The following GRHPR variants were observed in gnomAD, a reference collection of about 807,000 sequenced individuals.
The protein encoded by GRHPR is glyoxylate and hydroxypyruvate reductase, also known as glyoxylate reductase/hydroxypyruvate reductase.
In GRHPR, 35 loss-of-function variants were observed where a neutral mutation model predicts 36.8. The ratio of observed to expected loss-of-function variants is 0.95; its 90% CI spans 0.73 to 1.26. The LOEUF is 1.26. GRHPR is among the 50% of genes most tolerant of loss of function. The pLI is 0.00. For synonymous variants in GRHPR, 179 were observed against 181.0 expected, an observed-to-expected ratio of 0.99 and a Z score of 0.09; for missense variants, 380 against 435.0, an observed-to-expected ratio of 0.87 and a Z score of 1.12.
At chr9:37,422,634 T>C, upstream of GRHPR, 1 of 829,804 alleles carries the variant, frequency 1.2e-6, no homozygotes, top group Middle Eastern at 3.4e-4. Flanking sequence ...CCACACCCCC[T>C]GCGCACGCCG....
chr9:37,436,206 C>CCAAA (rs1222422154), intron 8 of GRHPR, among the ~76,000 whole-genome samples: 8 of 152,258 alleles, frequency 5.3e-5, no homozygotes, highest in African/African-American at 1.9e-4. Context: ...CCTCCCAGGC[C>CCAAA]CAAACAATCC....
chr9:37,426,946 G>A (rs777919883), intron 4 of GRHPR, among the ~76,000 whole-genome samples: 16 of 112,532 alleles, frequency 1.4e-4, no homozygotes, highest in South Asian at 3.2e-4. Flanking sequence ...GTGAGACTCT[G>A]TCTCAAAAAA....
chr9:37,427,180 G>A (rs1269371167), intron 4 of GRHPR, among the ~76,000 whole-genome samples: 2 of 152,204 alleles, frequency 1.3e-5, no homozygotes, highest in Non-Finnish European at 2.9e-5. Context: ...GCTGGTGGGT[G>A]AGGGCTGGCA....
intron 7 of GRHPR, chr9:37,431,678 G>A (rs1305380860): frequency 5.9e-6 from 2 of 340,774 alleles, no homozygotes; most frequent in African/African-American, 4.3e-5. Flanking sequence ...TCATGCAGTA[G>A]AGCATGTAAG....
chr9:37,433,526 C>T (rs1823481522), intron 8 of GRHPR, among the ~76,000 whole-genome samples: 1 of 152,002 alleles, frequency 6.6e-6, no homozygotes, highest in South Asian at 2.1e-4. Context: ...GAGTGTCCGG[C>T]CAATTCTCAT....
At chr9:37,427,738 T>TGA (rs1021595067) in intron 4 of GRHPR, 1 of 151,024 alleles carries the variant, frequency 6.6e-6, no homozygotes. Context: ...CTCGGGAGGC[T>TGA]GAGGTGGGAG....
chr9:37,438,010 T>A (rs1823751849), downstream of GRHPR: 1 of 152,162 alleles, frequency 6.6e-6, no homozygotes, highest in Non-Finnish European at 1.5e-5. Flanking sequence ...GAAGGTTTGG[T>A]TTAAAACAAA....
In GRHPR at chr9:37,424,894, C is replaced by A. The variant is rs1326346872; in HGVS notation, c.133C>A (p.Leu45Ile). 6.2e-7 allele frequency: 1 copy of A among 1,613,650 alleles called. No homozygotes were observed. The highest frequency in any genetic ancestry group is 8.5e-7 in the Non-Finnish European group (1 of 1,179,902). ...GGATGAGCCCATCCCTGCCAAGGAG[C>A]TAGAGCGAGGTGTGGCGGGGGCCCA... is the stretch of plus-strand genomic sequence containing the variant. Reference protein sequence around the residue: ...DSDEPIPAKELERGVAGAHGL... With the variant: ...DSDEPIPAKEIERGVAGAHGL... Residue 45 changes from leucine (L) to isoleucine (I), a missense_variant, in exon 2 of 9, where the codon CTA becomes ATA. Leu to Ile is a conservative substitution (Grantham distance 5). Transcript: ENST00000318158.
At position 37,424,969 on chromosome 9, in the gene GRHPR, G is replaced by A. The variant is rs1366244456; in HGVS notation, c.208G>A (p.Ala70Thr). 6.2e-7 allele frequency: 1 copy of A among 1,612,162 alleles called. No homozygotes were observed. Among genetic ancestry groups the A allele is most frequent in the Non-Finnish European group, 8.5e-7 (1 of 1,179,874 alleles). ...CCACGTGGACAAGAGGATCCTGGAT[G>A]CTGCAGGTGCACACTGGGTGGGCAG... ...SDHVDKRILD[A>T]AGANLKVIST... is the part of the protein sequence containing the mutation. The change falls in exon 2 of 9, where the codon GCT (alanine) becomes ACT (threonine). Residue 70 changes from alanine (A) to threonine (T), a missense_variant. Physicochemically the swap from Ala to Thr is moderately conservative, Grantham distance 58. Coordinates refer to ENST00000318158, the MANE Select transcript of GRHPR (RefSeq NM_012203.2).
chr9:37,436,121 T>A (rs1823630791), intron 8 of GRHPR, among the ~76,000 whole-genome samples: 1 of 152,184 alleles, frequency 6.6e-6, no homozygotes, highest in Admixed American at 6.5e-5. Flanking sequence ...CACCATTTTT[T>A]TGTTTGAGAC....
In GRHPR at chr9:37,436,818, G is replaced by T. The variant is rs370704714; in HGVS notation, c.*36G>T. ...GAGATGGAGGGCCGGGAAGCAAACC[G>T]TGCCCTGGTATTGTCAGACACACCC... On this transcript the variant is annotated 3_prime_UTR_variant, in exon 9 of 9. Transcript: ENST00000318158. 6.2e-7 allele frequency: 1 copy of T among 1,611,870 alleles called. No individual in the cohort carries two copies. Among genetic ancestry groups the T allele is most frequent in the East Asian group, 2.2e-5 (1 of 44,846 alleles).
intron 1 of GRHPR, among the ~76,000 whole-genome samples, chr9:37,423,706 C>G (rs1357345434): frequency 6.6e-6 from 1 of 151,734 alleles, no homozygotes; most frequent in Non-Finnish European, 1.5e-5. Context: ...AACTCCTGTA[C>G]GAAGGGATCC....
chr9:37,426,551 G>A lies in GRHPR; in HGVS notation c.301G>A (p.Gly101Ser). ...TCTGATTCGTAGTGGGATCCGAGTT[G>A]GCTACACCCCAGATGTCCTGACAGA... ...DEIKKRGIRVGYTPDVLTDTT... is the reference protein window; with the variant it reads ...DEIKKRGIRVSYTPDVLTDTT... Residue 101 changes from glycine (G) to serine (S), a missense_variant, in exon 4 of 9, where the codon GGC becomes AGC. By Grantham distance (56) the Gly-to-Ser change is moderately conservative. Coordinates refer to ENST00000318158, the MANE Select transcript of GRHPR (RefSeq NM_012203.2). 1.2e-6 allele frequency: 2 copies of A among 1,609,554 alleles called. No homozygotes were observed. Among genetic ancestry groups the A allele is most frequent in the Non-Finnish European group, 1.7e-6 (2 of 1,175,850 alleles).
At chr9:37,428,670 G>A in intron 5 of GRHPR, 98 bp downstream of exon 5, 1 of 812,028 alleles carries the variant, frequency 1.2e-6, no homozygotes, top group African/African-American at 1.7e-5. Flanking sequence ...CCCACATGCT[G>A]TCAGGGCACT....
downstream of GRHPR, chr9:37,439,226 C>T (rs117163461): frequency 3.3e-5 from 5 of 152,374 alleles, no homozygotes; most frequent in African/African-American, 1.2e-4. Flanking sequence ...TGTCAGAGGA[C>T]AGCAAGGTGA....
chr9:37,439,392 T>C (rs1290337107), downstream of GRHPR: 1 of 152,260 alleles, frequency 6.6e-6, no homozygotes, highest in African/African-American at 2.4e-5. Context: ...TTCAAACAAC[T>C]TTAAACATTT....
At position 37,422,816 on chromosome 9, in the gene GRHPR, G is replaced by C; in HGVS notation, c.66G>C (p.Ala22=). The C allele has an allele frequency of 6.3e-7, 1 of 1,599,136 alleles. No individual in the cohort carries two copies. Among genetic ancestry groups the C allele is most frequent in the Non-Finnish European group, 8.5e-7 (1 of 1,174,254 alleles). ...GGATACCCGCCGAGGGTAGGGTCGCGCTCGCCCGGGCGGCAGAGTAAGAGC... is the reference window on the plus strand; with the variant it reads ...GGATACCCGCCGAGGGTAGGGTCGCCCTCGCCCGGGCGGCAGAGTAAGAGC... ...TRRIPAEGRV[A]LARAADCEVE... The change falls in exon 1 of 9, where the codon GCG becomes GCC. Residue 22 remains alanine, a synonymous_variant. Transcript: ENST00000318158.
At chr9:37,426,476 C>T (rs1256696166) in intron 3 of GRHPR, 62 bp from the exon 4 acceptor site, 1 of 1,046,384 alleles carries the variant, frequency 9.6e-7, no homozygotes, top group Non-Finnish European at 1.5e-6. Flanking sequence ...GGAAATGTCC[C>T]AGCAGTAGAC....
chr9:37,422,545 T>G, upstream of GRHPR: 9 of 608,584 alleles, frequency 1.5e-5, no homozygotes, highest in East Asian at 7.7e-5. Flanking sequence ...AAGGACACTG[T>G]GTAGGGTCAC....
Sources: gnomAD v4.1 joint callset for allele counts (sites outside exome capture counted in the v4.1 genomes callset) on GRCh38, gnomAD v4.1.1 for gene constraint, MANE v1.5 for transcripts, NCBI Gene and HGNC (gene_info 2026-07-23, HGNC 2026-07-21) for gene names.